NAGA: variants seen among roughly 807,000 people sequenced by gnomAD.
NAGA encodes the protein alpha-N-acetylgalactosaminidase, also known as Acetylgalactosaminidase, alpha-N- (alpha-galactosidase B).
NAGA carries 42 observed loss-of-function variants against 45.6 expected under a neutral mutation model. The observed-to-expected ratio is 0.92, with a 90% CI of 0.72 to 1.19. The LOEUF (loss-of-function observed/expected upper bound fraction) is 1.19, where lower values mean the gene tolerates loss of function less well. Ranked by LOEUF, NAGA falls within the 50% of genes most tolerant of loss-of-function variation. The probability of loss-of-function intolerance (pLI) is 0.00; values close to 1 mark genes in which losing one functional copy is unlikely to be tolerated. For missense variants in NAGA, 493 were observed against 544.8 expected (o/e 0.90, Z 0.95); for synonymous variants, 176 against 203.1 (o/e 0.87, Z 1.13).
chr22:42,063,645 C>T (rs1189030998), intron 6 of NAGA, among the ~76,000 whole-genome samples: 4 of 152,248 alleles, frequency 2.6e-5, no homozygotes, highest in East Asian at 1.9e-4. Flanking sequence ...TGATGTATCA[C>T]GACCCTTTCA....
intron 7 of NAGA, among the ~76,000 whole-genome samples, chr22:42,062,284 G>C (rs1926451387): frequency 6.6e-6 from 1 of 152,054 alleles, no homozygotes; most frequent in Admixed American, 6.6e-5. Flanking sequence ...GACAAGCCTG[G>C]CCAACATGGT....
intron 1 of NAGA, among the ~76,000 whole-genome samples, chr22:42,068,930 C>G (rs1368961853): frequency 1.3e-5 from 2 of 152,118 alleles, no homozygotes; most frequent in East Asian, 3.9e-4. Context: ...AGGCCTACCA[C>G]GGAACTACGT....
At position 42,067,820 on chromosome 22, in the gene NAGA, C is replaced by A; in HGVS notation, c.269G>T (p.Arg90Leu). The change falls in exon 3 of 9, where the codon CGC (arginine) becomes CTC (leucine). Residue 90 changes from arginine to leucine, a missense_variant. Transcript: ENST00000396398. Reference protein sequence around the residue: ...CWIGGRDASGRLMPDPKRFPH... With the variant: ...CWIGGRDASGLLMPDPKRFPH... ...GAAGCGCTTGGGATCCGGCATCAGG[C>A]GGCCACTGGCATCGCGACCACCGAT... 2 of 1,612,354 alleles carry A rather than the reference C, an allele frequency of 1.2e-6. No individual in the cohort carries two copies. Among genetic ancestry groups the A allele is most frequent in the Non-Finnish European group, 1.7e-6 (2 of 1,179,910 alleles).
intron 2 of NAGA, 53 bp downstream of exon 2, chr22:42,068,386 G>T: frequency 3.1e-6 from 5 of 1,613,682 alleles, no homozygotes; most frequent in Non-Finnish European, 3.4e-6. Context: ...TCCTGCCCCC[G>T]AATCTGCAGG....
At chr22:42,060,799 G>A in intron 8 of NAGA, 125 bp downstream of exon 8, 1 of 1,361,034 alleles carries the variant, frequency 7.3e-7, no homozygotes, top group South Asian at 1.2e-5. Context: ...GCTCCCCATG[G>A]GCACCTGCCA....
intron 3 of NAGA, 100 bp downstream of exon 3, chr22:42,067,665 A>C: frequency 9.5e-7 from 1 of 1,049,556 alleles, no homozygotes; most frequent in Non-Finnish European, 1.4e-6. Context: ...TTCCCCCACT[A>C]GACTGTGAGA....
intron 5 of NAGA, 54 bp downstream of exon 5, chr22:42,066,656 G>A: frequency 6.7e-7 from 1 of 1,502,560 alleles, no homozygotes; most frequent in Non-Finnish European, 9.1e-7. Context: ...CACTCAGGAG[G>A]TAAGGAGGCC....
At position 42,060,171 on chromosome 22, in the gene NAGA, C is replaced by T; in HGVS notation, c.*108G>A. The T allele has an allele frequency of 2.1e-6, 3 of 1,450,100 alleles. No homozygotes were observed. In the Admixed American group the frequency reaches 5.0e-5, roughly 24 times the overall value. The allele number at this position is 1,450,100 out of a possible 1,614,324, so 89.8% of individuals were successfully genotyped here. A position where few individuals can be genotyped will look rare whatever the true frequency, so the allele number is the denominator to read the frequency against. ...ACTTTGGGTATGATGGGGTCAGTCA[C>T]CGAGCAGGCCTGGGGAGCAGAGAAC... is the stretch of plus-strand genomic sequence containing the variant. On this transcript the variant is annotated 3_prime_UTR_variant, in exon 9 of 9. Transcript: ENST00000396398.
chr22:42,062,491 G>A (rs887282724), intron 7 of NAGA, among the ~76,000 whole-genome samples: 2 of 152,128 alleles, frequency 1.3e-5, no homozygotes, highest in Non-Finnish European at 2.9e-5. Context: ...AGCTCCTCCT[G>A]CTCTGGAGGG....
chr22:42,068,389 T>C, intron 2 of NAGA, 50 bp downstream of exon 2: 4 of 1,613,960 alleles, frequency 2.5e-6, no homozygotes, highest in Non-Finnish European at 3.4e-6. Context: ...TGCCCCCGAA[T>C]CTGCAGGGCC....
chr22:42,068,224 C>T (rs1405738099), intron 2 of NAGA, among the ~76,000 whole-genome samples: 1 of 152,148 alleles, frequency 6.6e-6, no homozygotes, highest in Admixed American at 6.5e-5. Flanking sequence ...ATGTAAGGTC[C>T]CTGCCTCGTG....
chr22:42,069,619 C>CA lies in NAGA; in HGVS notation c.16+662dup, dbSNP rs60526991. ...TGGGTGACAGAGTGAGACTCCGTCT[C>CA]AAAAAAAAAAAAAAAAAAAAAGTGC... is the stretch of plus-strand genomic sequence containing the variant. On this transcript the variant is annotated intron_variant, in intron 1 of 8. Transcript: ENST00000396398. Among the ~76,000 whole-genome samples the CA allele has an allele frequency of 3.2e-3, 302 of 93,762 alleles. 3 individuals are homozygous for CA. The highest frequency in any genetic ancestry group is 8.7e-3 in the East Asian group (30 of 3,442). 61.5% of individuals were successfully genotyped at this position (93,762 alleles called of 152,430 possible).
Position 42,060,135 on chromosome 22 carries a change from C to A in NAGA, c.*144G>T. 9.1e-7 allele frequency: 1 copy of A among 1,103,522 alleles called. No homozygotes were observed. The allele number at this position is 1,103,522 out of a possible 1,614,324, so 68.4% of individuals were successfully genotyped here. A position where few individuals can be genotyped will look rare whatever the true frequency, so the allele number is the denominator to read the frequency against. On this transcript the variant is annotated 3_prime_UTR_variant, in exon 9 of 9. Transcript: ENST00000396398. ...GCTTGGACAGGGCATAGAACCTGGC[C>A]GTGAGATTGCACTTTGGGTATGATG...
chr22:42,060,015 T>G lies in NAGA; in HGVS notation c.*264A>C, dbSNP rs1602489419. 1 of 485,196 alleles carries G rather than the reference T, an allele frequency of 2.1e-6. No homozygotes were observed. Among genetic ancestry groups the G allele is most frequent in the Non-Finnish European group, 3.8e-6 (1 of 263,082 alleles). The allele number at this position is 485,196 out of a possible 1,614,324, so 30.1% of individuals were successfully genotyped here. On this transcript the variant is annotated 3_prime_UTR_variant, in exon 9 of 9. Transcript: ENST00000396398. The stretch of plus-strand genomic sequence containing the variant: ...GCATGGAGCTCAGGAGGCTGGCGAG[T>G]TGCTCAGCAACGTCTGTGGGGCTGC...
rs1479594260 is a variant in NAGA, at chr22:42,066,564, C to T, written c.597+146G>A. 1.6e-5 allele frequency: 12 copies of T among 756,878 alleles called. 1 individual carries two copies. Among genetic ancestry groups the T allele is most frequent in the East Asian group, 2.7e-5 (1 of 37,118 alleles). The allele number at this position is 756,878 out of a possible 1,614,324, so 46.9% of individuals were successfully genotyped here. A position where few individuals can be genotyped will look rare whatever the true frequency, so the allele number is the denominator to read the frequency against. On this transcript the variant is annotated intron_variant, in intron 5 of 8. Coordinates refer to ENST00000396398, the MANE Select transcript of NAGA (RefSeq NM_000262.3). The stretch of plus-strand genomic sequence containing the variant: ...CTCTTTGCGGCTACTTAATGTAGGT[C>T]TCTAGACACCTACAAATCACCATAT...
In NAGA at chr22:42,060,446, A is replaced by G. The variant is rs771716492; in HGVS notation, c.1102-33T>C. On this transcript the variant is annotated intron_variant, in intron 8 of 8. Coordinates refer to ENST00000396398, the MANE Select transcript of NAGA (RefSeq NM_000262.3). ...GGGGAGGGACATCACCAATGCCACC[A>G]TGAGAGTGGCGGCACAGAGACCCCC... 3.7e-6 allele frequency: 6 copies of G among 1,611,120 alleles called. No homozygotes were observed. The African/African-American group carries it at 5.4e-5, about 14-fold the overall frequency.
At chr22:42,066,214 A>G (rs1284589926) in intron 5 of NAGA, among the ~76,000 whole-genome samples, 1 of 133,652 alleles carries the variant, frequency 7.5e-6, no homozygotes, top group Non-Finnish European at 1.6e-5. Context: ...ACCCACCCCC[A>G]TGTTCTCTCA....
At chr22:42,064,548 G>A (rs1411141091) in intron 6 of NAGA, among the ~76,000 whole-genome samples, 3 of 151,210 alleles carry the variant, frequency 2.0e-5, no homozygotes, top group Non-Finnish European at 2.9e-5. Flanking sequence ...GGGCGGTTGA[G>A]GCAGGAGAAT....
chr22:42,066,659 AGGAG>A (rs1420828049), intron 5 of NAGA, 47 bp downstream of exon 5: 1 of 1,509,680 alleles, frequency 6.6e-7, no homozygotes, highest in African/African-American at 1.4e-5. Flanking sequence ...TCAGGAGGTA[AGGAG>A]GCCTGGGTGT....
Sources: gnomAD v4.1 joint callset for allele counts (sites outside exome capture counted in the v4.1 genomes callset) on GRCh38, gnomAD v4.1.1 for gene constraint, MANE v1.5 for transcripts, NCBI Gene and HGNC (gene_info 2026-07-23, HGNC 2026-07-21) for gene names.